Variants in BLK observed in about 807,000 individuals in gnomAD.
The protein encoded by BLK is tyrosine-protein kinase Blk.
BLK carries 64 observed loss-of-function variants against 61.8 expected under a neutral mutation model. That is an observed-to-expected ratio of 1.03 (90% CI 0.85 to 1.27). BLK has a LOEUF of 1.27. Ranked by LOEUF, BLK falls within the 50% of genes most tolerant of loss-of-function variation. The pLI, the probability that BLK is intolerant of heterozygous loss-of-function variation, is 0.00. For synonymous variants in BLK, 351 were observed against 272.0 expected (o/e 1.29, Z -2.86); for missense variants, 853 against 660.5 (o/e 1.29, Z -3.19).
rs540510586 is a variant in BLK at position 11,550,414 on chromosome 8, G to A, written c.472+152G>A. The A allele has an allele frequency of 6.8e-4, 522 of 767,598 alleles. 9 individuals are homozygous for A. In the Admixed American group the frequency reaches 9.7e-3, roughly 14 times the overall value. The allele number at this position is 767,598 out of a possible 1,614,324, so 47.5% of individuals were successfully genotyped here. On this transcript the variant is annotated intron_variant, in intron 6 of 12. Transcript: ENST00000259089. ...GTCCCTCCCAATTCAGGCCCTGCCC[G>A]GGAGTTGACATGGGGGCTGTCCACA...
Position 11,563,891 on chromosome 8 carries a change from C to T in BLK, c.1313-12C>T, listed in dbSNP as rs1261743662. 1.5e-5 allele frequency: 24 copies of T among 1,607,168 alleles called. No homozygotes were observed. The highest frequency in any genetic ancestry group is 1.7e-5 in the Non-Finnish European group (20 of 1,178,642). On this transcript the variant is annotated splice_polypyrimidine_tract_variant and intron_variant, in intron 12 of 12. Coordinates refer to ENST00000259089, the MANE Select transcript of BLK (RefSeq NM_001715.3). ...AGCCCCTCACCCCCGCTTGCGGTCTCCTCTGCCGCAGGGATGAGCAACCCC... is the reference window on the plus strand; with the variant it reads ...AGCCCCTCACCCCCGCTTGCGGTCTTCTCTGCCGCAGGGATGAGCAACCCC...
intron 1 of BLK, among the ~76,000 whole-genome samples, chr8:11,523,422 G>A (rs1799531762): frequency 6.6e-6 from 1 of 152,034 alleles, no homozygotes; most frequent in Non-Finnish European, 1.5e-5. Context: ...GCATGGTGGT[G>A]GGCGCCTGTA....
chr8:11,559,069 CCCTT>C, intron 10 of BLK: 1 of 450,574 alleles, frequency 2.2e-6, no homozygotes, highest in Non-Finnish European at 4.5e-6. Flanking sequence ...GCTTCCTTTC[CCCTT>C]CCTTCTCTCA....
chr8:11,494,997 C>T (rs549844438), intron 1 of BLK, among the ~76,000 whole-genome samples: 3 of 152,304 alleles, frequency 2.0e-5, no homozygotes, highest in East Asian at 1.9e-4. Flanking sequence ...TGGTCACAGG[C>T]GGGGAGCATC....
chr8:11,557,904 G>A, intron 9 of BLK, 58 bp from the exon 10 acceptor site: 3 of 1,524,508 alleles, frequency 2.0e-6, no homozygotes, highest in African/African-American at 1.4e-5. Context: ...GAGAGAGGCT[G>A]GCACCACCAG....
intron 1 of BLK, among the ~76,000 whole-genome samples, chr8:11,540,657 A>T (rs1783270562): frequency 6.6e-6 from 1 of 152,238 alleles, no homozygotes; most frequent in African/African-American, 2.4e-5. Flanking sequence ...GAAATTAAAG[A>T]TCTATAAACC....
chr8:11,546,002 A>C (rs1479834377), intron 2 of BLK, 50 bp from the exon 3 acceptor site: 1 of 1,595,456 alleles, frequency 6.3e-7, no homozygotes, highest in Non-Finnish European at 8.6e-7. Flanking sequence ...CCCAGGCCCC[A>C]CCCACGCAGC....
Position 11,564,231 on chromosome 8 carries a change from G to C in BLK, c.*123G>C, listed in dbSNP as rs1443608536. 11 of 1,211,690 alleles carry C rather than the reference G, an allele frequency of 9.1e-6. No homozygotes were observed. The Admixed American group carries it at 2.2e-4, about 24-fold the overall frequency. The allele number at this position is 1,211,690 out of a possible 1,614,324, so 75.1% of individuals were successfully genotyped here. A position where few individuals can be genotyped will look rare whatever the true frequency, so the allele number is the denominator to read the frequency against. On this transcript the variant is annotated 3_prime_UTR_variant, in exon 13 of 13. Coordinates refer to ENST00000259089, the MANE Select transcript of BLK (RefSeq NM_001715.3). The stretch of plus-strand genomic sequence containing the variant: ...GCCCTTTTCTCAGACCCGGAATCCA[G>C]TGGGCAGAGGCAGCTTCGCAGGGGG...
chr8:11,543,095 G>A, intron 1 of BLK, 129 bp from the exon 2 acceptor site: 1 of 1,445,764 alleles, frequency 6.9e-7, no homozygotes, highest in Non-Finnish European at 9.5e-7. Flanking sequence ...TGACTTTGAG[G>A]TCTTTGCTGC....
At chr8:11,525,148 G>T (rs969589974) in intron 1 of BLK, among the ~76,000 whole-genome samples, 3 of 152,182 alleles carry the variant, frequency 2.0e-5, no homozygotes, top group Non-Finnish European at 4.4e-5. Flanking sequence ...CACCTCTTTC[G>T]TGCTGACCCT....
intron 1 of BLK, among the ~76,000 whole-genome samples, chr8:11,527,086 C>A (rs78723545): frequency 0.012 from 1,869 of 151,380 alleles, 17 homozygotes; most frequent in African/African-American, 0.029. Context: ...CTTTCCTGTA[C>A]GTGCATGCTC....
intron 10 of BLK, chr8:11,560,295 A>T (rs1801445868): frequency 4.7e-6 from 1 of 213,046 alleles, no homozygotes; most frequent in Admixed American, 5.4e-5. Flanking sequence ...CCATGGATGG[A>T]TGGATACATG....
chr8:11,520,348 A>C, intron 1 of BLK, among the ~76,000 whole-genome samples: 1 of 151,834 alleles, frequency 6.6e-6, no homozygotes. Context: ...GTGGTGGTGC[A>C]TGCCTGTAGT....
rs1373342094 is a variant in BLK, at chr8:11,562,961, G to T, written c.1181-18G>T. 1.9e-6 allele frequency: 3 copies of T among 1,613,932 alleles called. No homozygotes were observed. Among genetic ancestry groups the T allele is most frequent in the African/African-American group, 1.3e-5 (1 of 75,064 alleles). The stretch of plus-strand genomic sequence containing the variant: ...CACCGGCCGTGGCCTCCCAAAGCTT[G>T]CATGGCTTTTCCCACAGGGGCCAAG... On this transcript the variant is annotated intron_variant, in intron 11 of 12. Coordinates refer to ENST00000259089, the MANE Select transcript of BLK (RefSeq NM_001715.3).
intron 9 of BLK, among the ~76,000 whole-genome samples, chr8:11,557,503 G>C (rs1801290957): frequency 6.6e-6 from 1 of 152,182 alleles, no homozygotes. Context: ...AGCTGCATTT[G>C]TCCCCTGCAC....
intron 1 of BLK, among the ~76,000 whole-genome samples, chr8:11,540,408 A>G (rs1268659705): frequency 2.0e-5 from 3 of 152,100 alleles, no homozygotes; most frequent in Admixed American, 6.5e-5. Context: ...TATTATTCCA[A>G]TTTCATGCGG....
intron 1 of BLK, among the ~76,000 whole-genome samples, chr8:11,496,286 G>A (rs558153230): frequency 1.3e-5 from 2 of 152,290 alleles, no homozygotes; most frequent in East Asian, 3.9e-4. Flanking sequence ...TGCCCAGGCT[G>A]GAGTGCAGTG....
At chr8:11,519,005 G>A (rs1799335633) in intron 1 of BLK, among the ~76,000 whole-genome samples, 2 of 152,138 alleles carry the variant, frequency 1.3e-5, no homozygotes, top group Admixed American at 6.5e-5. Flanking sequence ...CCGTCATCCT[G>A]TTTGAATTTC....
At position 11,548,914 on chromosome 8, in the gene BLK, G is replaced by C. The variant is rs1024094462; in HGVS notation, c.270-110G>C. The C allele has an allele frequency of 2.7e-5, 26 of 977,808 alleles. No homozygotes were observed. The African/African-American group carries it at 3.2e-4, about 12-fold the overall frequency. 60.6% of individuals were successfully genotyped at this position (977,808 alleles called of 1,614,324 possible). On this transcript the variant is annotated intron_variant, in intron 4 of 12. Coordinates refer to ENST00000259089, the MANE Select transcript of BLK (RefSeq NM_001715.3). Reference sequence around the variant, plus strand: ...CCTGCCTGCCGTACTCTCTACCCCTGCGGATTCTCTGCCCTCCAGGGAGAG... The same window carrying C: ...CCTGCCTGCCGTACTCTCTACCCCTCCGGATTCTCTGCCCTCCAGGGAGAG...
Sources: allele counts gnomAD v4.1 joint callset (sites outside exome capture counted in the v4.1 genomes callset), GRCh38; gene constraint gnomAD v4.1.1; transcripts MANE v1.5; gene names NCBI Gene and HGNC (gene_info 2026-07-23, HGNC 2026-07-21).